The following WDPCP variants were observed in gnomAD, a reference collection of about 807,000 sequenced individuals.
The protein encoded by WDPCP is WD repeat-containing and planar cell polarity effector protein fritz homolog.
WDPCP carries 71 observed loss-of-function variants against 93.1 expected under a neutral mutation model. The ratio of observed to expected loss-of-function variants is 0.76; its 90% confidence interval spans 0.63 to 0.93. WDPCP has a LOEUF of 0.93. WDPCP is among the 40% of genes least tolerant of loss of function. The pLI, the probability that WDPCP is intolerant of heterozygous loss-of-function variation, is 0.00. For missense variants in WDPCP, 844 were observed against 887.4 expected, an observed-to-expected ratio of 0.95 and a Z score of 0.62; for synonymous variants, 315 against 315.0, an observed-to-expected ratio of 1.00 and a Z score of 0.00.
intron 8 of WDPCP, 87 bp from the exon 9 acceptor site, chr2:63,434,023 A>G: frequency 7.5e-7 from 1 of 1,337,238 alleles, no homozygotes; most frequent in South Asian, 1.3e-5. Flanking sequence ...GCATCTGGAA[A>G]TGTAGTTACA....
chr2:63,813,967 A>G (rs1375938041), intron 1 of WDPCP, among the ~76,000 whole-genome samples: 3 of 152,244 alleles, frequency 2.0e-5, no homozygotes, highest in East Asian at 3.8e-4. Context: ...GATAAATTCC[A>G]TATCATAAAT....
chr2:63,271,415 A>C (rs959272279), intron 13 of WDPCP, among the ~76,000 whole-genome samples: 3 of 152,146 alleles, frequency 2.0e-5, no homozygotes, highest in African/African-American at 7.2e-5. Context: ...GGTTGAGTGA[A>C]ACATTAAGGA....
chr2:63,733,981 T>C (rs1669602012), intron 2 of WDPCP, among the ~76,000 whole-genome samples: 1 of 152,194 alleles, frequency 6.6e-6, no homozygotes, highest in African/African-American at 2.4e-5. Flanking sequence ...TCTAGAAATA[T>C]CACATGAATA....
At chr2:63,804,456 C>G (rs527351751) in intron 2 of WDPCP, among the ~76,000 whole-genome samples, 2 of 151,554 alleles carry the variant, frequency 1.3e-5, no homozygotes, top group Non-Finnish European at 2.9e-5. Flanking sequence ...TGGGTTTCAC[C>G]GTGTTACCCA....
chr2:63,463,165 T>A (rs1699132027), intron 6 of WDPCP, among the ~76,000 whole-genome samples: 2 of 150,596 alleles, frequency 1.3e-5, no homozygotes, highest in African/African-American at 2.4e-5. Context: ...AAAAAAAAAA[T>A]TTCAAGAACA....
intron 2 of WDPCP, among the ~76,000 whole-genome samples, chr2:63,718,602 T>G (rs1330019891): frequency 6.6e-6 from 1 of 152,202 alleles, no homozygotes; most frequent in Non-Finnish European, 1.5e-5. Flanking sequence ...ATGGGGTTGT[T>G]TTTTTCCTTG....
At chr2:63,597,138 G>A in intron 3 of WDPCP, 1 of 327,424 alleles carries the variant, frequency 3.1e-6, no homozygotes, top group Non-Finnish European at 4.4e-6. Context: ...CATCATATAT[G>A]ATTATAAAAG....
chr2:63,575,489 A>ACAGTATATAGTGTATGCACT lies in WDPCP; in HGVS notation c.75+12707_75+12708insAGTGCATACACTATATACTG, dbSNP rs1257278044. ...TATGCAGTATATACAGTGTATATATAGTATATACAGTATATACACTGTATA... is the reference window on the plus strand; with the variant it reads ...TATGCAGTATATACAGTGTATATATACAGTATATAGTGTATGCACTGTATATACAGTATATACACTGTATA... On this transcript the variant is annotated intron_variant, in intron 1 of 17. Transcript: ENST00000272321. Among the ~76,000 whole-genome samples, 5 of 17,288 alleles carry ACAGTATATAGTGTATGCACT rather than the reference A, an allele frequency of 2.9e-4. 2 individuals are homozygous for ACAGTATATAGTGTATGCACT. The highest frequency in any genetic ancestry group is 8.3e-3 in the East Asian group (2 of 240). The allele number at this position is 17,288 out of a possible 152,430, so 11.3% of individuals were successfully genotyped here.
At chr2:63,426,097 T>C (rs1247498117) in intron 9 of WDPCP, among the ~76,000 whole-genome samples, 1 of 152,070 alleles carries the variant, frequency 6.6e-6, no homozygotes, top group Non-Finnish European at 1.5e-5. Context: ...CCCAGCACTC[T>C]TGGGAGGCCG....
chr2:63,432,179 A>C (rs1696810755), intron 9 of WDPCP, among the ~76,000 whole-genome samples: 1 of 152,186 alleles, frequency 6.6e-6, no homozygotes, highest in African/African-American at 2.4e-5. Context: ...CACAGAGCTA[A>C]TAATATCAAC....
intron 2 of WDPCP, among the ~76,000 whole-genome samples, chr2:63,777,706 T>C (rs144757829): frequency 6.6e-6 from 1 of 152,254 alleles, no homozygotes; most frequent in East Asian, 1.9e-4. Flanking sequence ...AAAATTCTAA[T>C]GAATACAAAC....
chr2:63,148,661 A>AG (rs1460560124), intron 17 of WDPCP, among the ~76,000 whole-genome samples: 13 of 152,120 alleles, frequency 8.5e-5, no homozygotes, highest in Non-Finnish European at 1.6e-4. Flanking sequence ...AAAAAAAAAA[A>AG]AAGTATTTTC....
At position 63,720,954 on chromosome 2, in the gene WDPCP, CAGAT is replaced by C. The variant is rs1409450268; in HGVS notation, n.309-70120_309-70117del. ...TCTCTGAGTATGCTGCCATACCTGA[CAGAT>C]AGTCATTAACCTGGAGCCTGAAATG... On this transcript the variant is annotated intron_variant and non_coding_transcript_variant, in intron 2 of 4. Coordinates refer to the WDPCP transcript ENST00000467687. Among the ~76,000 whole-genome samples, 3 of 152,238 alleles carry C rather than the reference CAGAT, an allele frequency of 2.0e-5. No individual in the cohort carries two copies. In the South Asian group the frequency reaches 6.2e-4, roughly 31 times the overall value.
chr2:63,447,872 G>A (rs1465775327), intron 6 of WDPCP, among the ~76,000 whole-genome samples: 1 of 152,020 alleles, frequency 6.6e-6, no homozygotes, highest in East Asian at 1.9e-4. Context: ...TTTGAAAAAA[G>A]ATATAAGCCA....
rs181476062 is a variant in WDPCP, at chr2:63,822,582, T to A, written n.222+5040A>T. 3.9e-5 allele frequency among the ~76,000 whole-genome samples: 6 copies of A among 152,154 alleles called. No homozygotes were observed. In the East Asian group the frequency reaches 1.2e-3, roughly 29 times the overall value. On this transcript the variant is annotated intron_variant and non_coding_transcript_variant, in intron 1 of 4. Coordinates refer to the WDPCP transcript ENST00000467687. ...TTTTACACAGATCTCAAAATATGAG[T>A]GACAGAGGAAAGTATTCAGTCAGCT...
At chr2:63,562,441 T>TG (rs1291560860) in intron 1 of WDPCP, among the ~76,000 whole-genome samples, 1 of 152,176 alleles carries the variant, frequency 6.6e-6, no homozygotes, top group African/African-American at 2.4e-5. Context: ...ACCTAGGTGA[T>TG]GGGTTGATAG....
At chr2:63,265,988 A>T (rs918969054) in intron 13 of WDPCP, among the ~76,000 whole-genome samples, 1 of 152,208 alleles carries the variant, frequency 6.6e-6, no homozygotes, top group Admixed American at 6.5e-5. Context: ...ACTCAAAAAA[A>T]TATGGAAGGA....
intron 2 of WDPCP, among the ~76,000 whole-genome samples, chr2:63,693,340 G>T (rs1393181345): frequency 6.6e-6 from 1 of 152,002 alleles, no homozygotes; most frequent in Non-Finnish European, 1.5e-5. Context: ...GTATAAGCTG[G>T]TATGTATAAT....
intron 3 of WDPCP, among the ~76,000 whole-genome samples, chr2:63,621,499 A>C (rs1709737276): frequency 6.6e-6 from 1 of 152,092 alleles, no homozygotes; most frequent in Non-Finnish European, 1.5e-5. Flanking sequence ...GTAATGAACA[A>C]AGCCTCCAAT....
Sources: gnomAD v4.1 joint callset for allele counts (sites outside exome capture counted in the v4.1 genomes callset) on GRCh38, gnomAD v4.1.1 for gene constraint, MANE v1.5 for transcripts, NCBI Gene and HGNC (gene_info 2026-07-23, HGNC 2026-07-21) for gene names.